Variants in CHCHD4 observed in about 807,000 individuals in gnomAD.
The protein encoded by CHCHD4 is mitochondrial intermembrane space import and assembly protein 40.
CHCHD4 carries 7 observed loss-of-function variants against 12.4 expected under a neutral mutation model. That is an observed-to-expected ratio of 0.57 (90% confidence interval 0.32 to 1.06). CHCHD4 has a LOEUF of 1.06. Among genes scored for constraint, CHCHD4 ranks in the 50% least tolerant of loss-of-function variants. The probability of loss-of-function intolerance (pLI) is 0.04; values close to 1 mark genes in which losing one functional copy is unlikely to be tolerated. For missense variants in CHCHD4, 143 were observed against 175.1 expected (o/e 0.82, Z 1.03); for synonymous variants, 56 against 58.0 (o/e 0.97, Z 0.16).
chr3:14,121,676 C>T (rs1694935856), intron 1 of CHCHD4, among the ~76,000 whole-genome samples: 1 of 152,192 alleles, frequency 6.6e-6, no homozygotes, highest in Non-Finnish European at 1.5e-5. Flanking sequence ...CTTTCTGAAG[C>T]TCAACCCAAG....
At chr3:14,124,521 T>C (rs1325945353) in intron 1 of CHCHD4, 134 bp downstream of exon 1, 5 of 670,158 alleles carry the variant, frequency 7.5e-6, no homozygotes, top group East Asian at 3.5e-5. Context: ...CCGGCCCGCC[T>C]CCGAGTGTCC....
In CHCHD4 at chr3:14,124,785, C is replaced by T. The variant is rs1428247102; in HGVS notation, c.-109G>A. On this transcript the variant is annotated 5_prime_UTR_variant, in exon 1 of 3. Coordinates refer to ENST00000396914, the MANE Select transcript of CHCHD4 (RefSeq NM_001098502.2). ...AGGGCGGGCTCCTCCGAAGCCCGCG[C>T]GGACCCGCCCCCTCCCAGGCCTGCC... 2.3e-6 allele frequency: 3 copies of T among 1,279,538 alleles called. No individual in the cohort carries two copies. Among genetic ancestry groups the T allele is most frequent in the Admixed American group, 3.0e-5 (1 of 32,884 alleles). The allele number at this position is 1,279,538 out of a possible 1,614,324, so 79.3% of individuals were successfully genotyped here. A position where few individuals can be genotyped will look rare whatever the true frequency, so the allele number is the denominator to read the frequency against.
chr3:14,117,749 G>A (rs183933563), intron 1 of CHCHD4, among the ~76,000 whole-genome samples: 32 of 152,286 alleles, frequency 2.1e-4, no homozygotes, highest in African/African-American at 7.7e-4. Context: ...CTGAGAGGGA[G>A]GTAGCAGCAT....
At chr3:14,122,837 A>G (rs1694951024) in intron 1 of CHCHD4, among the ~76,000 whole-genome samples, 1 of 152,220 alleles carries the variant, frequency 6.6e-6, no homozygotes, top group Non-Finnish European at 1.5e-5. Context: ...TAAATGTTAA[A>G]GGATGAGGAG....
At chr3:14,122,124 C>G in intron 1 of CHCHD4, 1 of 1,535,206 alleles carries the variant, frequency 6.5e-7, no homozygotes, top group Non-Finnish European at 8.7e-7. Flanking sequence ...AGTGTTCGCT[C>G]ACACGTGTTT....
chr3:14,116,413 A>C lies in CHCHD4; in HGVS notation c.121+13T>G, dbSNP rs2731314. On this transcript the variant is annotated intron_variant, in intron 2 of 2. Transcript: ENST00000396914. ...CCCTGGTGTGGGTCCCTGGGAGGCC[A>C]CATGTCACTCACCATGCTCCTCGTA... The C allele has an allele frequency of 1.9e-6, 3 of 1,574,706 alleles. No individual in the cohort carries two copies. The African/African-American group carries it at 4.1e-5, about 21-fold the overall frequency.
At chr3:14,117,879 C>T (rs1235982165) in intron 1 of CHCHD4, among the ~76,000 whole-genome samples, 1 of 152,216 alleles carries the variant, frequency 6.6e-6, no homozygotes, top group Non-Finnish European at 1.5e-5. Context: ...CTGCCCCGCA[C>T]CAACATTTGC....
chr3:14,118,626 C>G (rs1694900545), intron 1 of CHCHD4, among the ~76,000 whole-genome samples: 1 of 152,246 alleles, frequency 6.6e-6, no homozygotes, highest in African/African-American at 2.4e-5. Flanking sequence ...GAGGCTTTTG[C>G]TCCCAGAGCT....
intron 2 of CHCHD4, 60 bp downstream of exon 2, chr3:14,116,366 A>G (rs1236792222): frequency 3.5e-6 from 4 of 1,139,322 alleles, no homozygotes; most frequent in Non-Finnish European, 5.4e-6. Context: ...AGGAATTAAG[A>G]ACACTGAGCT....
At position 14,122,212 on chromosome 3, in the gene CHCHD4, T is replaced by C. The variant is rs532346651; in HGVS notation, c.22+2443A>G. ...CCTCAGGAAGCCTTCTCAGACCCCA[T>C]AGAGCCTTTCACTAAACGATCATAG... On this transcript the variant is annotated intron_variant, in intron 1 of 2. Transcript: ENST00000396914. 1.5e-4 allele frequency: 203 copies of C among 1,337,096 alleles called. No homozygotes were observed. In the African/African-American group the frequency reaches 2.3e-3, roughly 15 times the overall value. 82.8% of individuals were successfully genotyped at this position (1,337,096 alleles called of 1,614,324 possible). A position where few individuals can be genotyped will look rare whatever the true frequency, so the allele number is the denominator to read the frequency against.
intron 1 of CHCHD4, among the ~76,000 whole-genome samples, chr3:14,123,100 T>C (rs1465185871): frequency 6.6e-6 from 1 of 152,126 alleles, no homozygotes; most frequent in Non-Finnish European, 1.5e-5. Flanking sequence ...ACAAGATAAA[T>C]ACTAAGGAAG....
In CHCHD4 at chr3:14,112,914, T is replaced by C; in HGVS notation, c.402A>G (p.Ala134=). Residue 134 remains alanine, a synonymous_variant, in exon 3 of 3, where the codon GCA becomes GCG. Coordinates refer to ENST00000396914, the MANE Select transcript of CHCHD4 (RefSeq NM_001098502.2). ...AEETAPIEAT[A]TKEEEGSS ...AACTTGATCCCTCCTCTTCTTTGGT[T>C]GCAGTGGCCTCAATGGGAGCTGTTT... The C allele has an allele frequency of 6.2e-7, 1 of 1,612,780 alleles. No individual in the cohort carries two copies. Among genetic ancestry groups the C allele is most frequent in the South Asian group, 1.1e-5 (1 of 90,876 alleles).
At position 14,124,721 on chromosome 3, in the gene CHCHD4, C is replaced by T. The variant is rs770619366; in HGVS notation, c.-45G>A. On this transcript the variant is annotated 5_prime_UTR_variant, in exon 1 of 3. Coordinates refer to ENST00000396914, the MANE Select transcript of CHCHD4 (RefSeq NM_001098502.2). ...GACCTTGCAGAAGCGGCGGTGGCGG[C>T]AGCTGCACCTTTACGCCGTGACCTC... The T allele has an allele frequency of 3.3e-6, 5 of 1,512,882 alleles. No homozygotes were observed. The highest frequency in any genetic ancestry group is 4.4e-6 in the Non-Finnish European group (5 of 1,132,010). 93.7% of individuals were successfully genotyped at this position (1,512,882 alleles called of 1,614,324 possible).
chr3:14,113,296 T>C, intron 2 of CHCHD4, 102 bp from the exon 3 acceptor site: 5 of 950,878 alleles, frequency 5.3e-6, no homozygotes, highest in Non-Finnish European at 7.9e-6. Context: ...GGAACTATTG[T>C]TGCCTATGGA....
chr3:14,115,912 A>ATTAATATT (rs1694871664), intron 2 of CHCHD4, among the ~76,000 whole-genome samples: 1 of 152,214 alleles, frequency 6.6e-6, no homozygotes, highest in South Asian at 2.1e-4. Context: ...CTAAGCGACC[A>ATTAATATT]CTGTTATATT....
Position 14,116,468 on chromosome 3 carries a change from C to G in CHCHD4, c.79G>C (p.Glu27Gln), listed in dbSNP as rs756852677. Residue 27 changes from glutamate (E) to glutamine (Q), a missense_variant, in exon 2 of 3, where the codon GAA becomes CAA. Coordinates refer to ENST00000396914, the MANE Select transcript of CHCHD4 (RefSeq NM_001098502.2). Reference sequence around the variant, plus strand: ...TCGTTGGGGTCATCAGCCACCAATTCTGCACTGCTTGGAGTTTCATGATCT... The same window carrying G: ...TCGTTGGGGTCATCAGCCACCAATTGTGCACTGCTTGGAGTTTCATGATCT... ...KEDHETPSSA[E>Q]LVADDPNDPY... 9 of 1,613,842 alleles carry G rather than the reference C, an allele frequency of 5.6e-6. No individual in the cohort carries two copies. Among genetic ancestry groups the G allele is most frequent in the Non-Finnish European group, 8.5e-7 (1 of 1,179,838 alleles).
chr3:14,116,108 A>G (rs1170729382), intron 2 of CHCHD4, among the ~76,000 whole-genome samples: 1 of 152,190 alleles, frequency 6.6e-6, no homozygotes, highest in Non-Finnish European at 1.5e-5. Flanking sequence ...AAGTTGGTAG[A>G]TGTGGCAGAA....
chr3:14,122,122 C>A (rs1694942119), intron 1 of CHCHD4: 1 of 1,537,546 alleles, frequency 6.5e-7, no homozygotes, highest in Admixed American at 2.0e-5. Context: ...GTAGTGTTCG[C>A]TCACACGTGT....
At chr3:14,118,026 A>G (rs1694894116) in intron 1 of CHCHD4, among the ~76,000 whole-genome samples, 1 of 152,238 alleles carries the variant, frequency 6.6e-6, no homozygotes, top group African/African-American at 2.4e-5. Context: ...ACCAAGTGAA[A>G]TGTTTGCCAA....
Sources: gnomAD v4.1 joint callset for allele counts (sites outside exome capture counted in the v4.1 genomes callset) on GRCh38, gnomAD v4.1.1 for gene constraint, MANE v1.5 for transcripts, NCBI Gene and HGNC (gene_info 2026-07-23, HGNC 2026-07-21) for gene names.